MAP3K20: variants seen among roughly 807,000 people sequenced by gnomAD.
MAP3K20 encodes the protein HCCS-4.
In MAP3K20, 40 loss-of-function variants were observed where a neutral mutation model predicts 85.7. That is an observed-to-expected ratio of 0.47 (90% CI 0.36 to 0.61). The LOEUF (loss-of-function observed/expected upper bound fraction) is 0.61, where lower values mean the gene tolerates loss of function less well. MAP3K20 is among the 20% of genes least tolerant of loss of function. The pLI is 0.00. For synonymous variants in MAP3K20, 325 were observed against 327.7 expected (o/e 0.99, Z 0.09); for missense variants, 817 against 961.7 (o/e 0.85, Z 1.99).
At chr2:173,221,262 A>C in intron 11 of MAP3K20, 1 of 1,614,010 alleles carries the variant, frequency 6.2e-7, no homozygotes, top group Non-Finnish European at 8.5e-7. Flanking sequence ...AGTAACGGGG[A>C]GGGCCATGGC....
chr2:173,265,766 T>C (rs1186431481), intron 19 of MAP3K20, among the ~76,000 whole-genome samples: 2 of 152,234 alleles, frequency 1.3e-5, no homozygotes, highest in Non-Finnish European at 2.9e-5. Context: ...AATAAAACTA[T>C]TAGTGTTTAC....
intron 1 of MAP3K20, among the ~76,000 whole-genome samples, chr2:173,076,789 T>A (rs956158633): frequency 6.6e-6 from 1 of 152,188 alleles, no homozygotes; most frequent in Admixed American, 6.5e-5. Flanking sequence ...AGGCAGCGGC[T>A]TTTTGTGGGC....
intron 2 of MAP3K20, among the ~76,000 whole-genome samples, chr2:173,126,695 A>G (rs371910572): frequency 6.6e-6 from 1 of 152,208 alleles, no homozygotes; most frequent in Non-Finnish European, 1.5e-5. Context: ...ATGTTTCTTT[A>G]CAAAGAGAAT....
chr2:173,190,773 T>C (rs2106274489), intron 5 of MAP3K20, 122 bp from the exon 6 acceptor site: 1 of 964,304 alleles, frequency 1.0e-6, no homozygotes, highest in East Asian at 2.5e-5. Context: ...TGTAAATACA[T>C]TGATTTCACC....
intron 10 of MAP3K20, chr2:173,214,264 C>T (rs1684003236): frequency 6.6e-6 from 1 of 152,192 alleles, no homozygotes; most frequent in African/African-American, 2.4e-5. Context: ...GCTTATTTCT[C>T]CTCCCATTGA....
At chr2:173,083,979 GA>G (rs1687077934) in intron 1 of MAP3K20, among the ~76,000 whole-genome samples, 1 of 152,186 alleles carries the variant, frequency 6.6e-6, no homozygotes, top group Admixed American at 6.5e-5. Context: ...AGGAAAAGAG[GA>G]AGGCTCTAAA....
intron 2 of MAP3K20, among the ~76,000 whole-genome samples, chr2:173,137,072 A>C (rs551444415): frequency 1.6e-4 from 25 of 152,334 alleles, no homozygotes; most frequent in Non-Finnish European, 3.5e-4. Flanking sequence ...TTCTCTCCTG[A>C]CCTAAAAAGG....
At chr2:173,172,120 G>T (rs1690015674) in intron 3 of MAP3K20, among the ~76,000 whole-genome samples, 1 of 152,300 alleles carries the variant, frequency 6.6e-6, no homozygotes, top group East Asian at 1.9e-4. Context: ...ACATGGATTA[G>T]TGATGACGAC....
At chr2:173,251,787 A>G (rs1380754819) in intron 16 of MAP3K20, among the ~76,000 whole-genome samples, 1 of 152,252 alleles carries the variant, frequency 6.6e-6, no homozygotes, top group Non-Finnish European at 1.5e-5. Context: ...TTATATGCAA[A>G]TTATACCTCA....
rs1684343444 is a variant in MAP3K20 at position 173,224,971 on chromosome 2, C to A, written c.988-4718C>A. The A allele has an allele frequency of 6.8e-6, 6 of 877,070 alleles. No individual in the cohort carries two copies. In the South Asian group the frequency reaches 2.2e-4, roughly 33 times the overall value. The allele number at this position is 877,070 out of a possible 1,614,324, so 54.3% of individuals were successfully genotyped here. On this transcript the variant is annotated intron_variant, in intron 11 of 19. Transcript: ENST00000375213. ...CAACTACTTGATTTACAAAAATGTA[C>A]ATTTAGAGGTTAAAAGAAACAGTGA... is the stretch of plus-strand genomic sequence containing the variant.
intron 11 of MAP3K20, chr2:173,226,349 A>G (rs1684387773): frequency 1.0e-6 from 1 of 985,052 alleles, no homozygotes. Context: ...AAATTATTGT[A>G]CTAGACTTAT....
rs184793597 is a variant in MAP3K20 at position 173,105,782 on chromosome 2, A to G, written c.159+14592A>G. ...AGAGAGAGTGGGGAATTATTGTTTG[A>G]TAGGTATAGAATTTTTGTTTGGGAT... On this transcript the variant is annotated intron_variant, in intron 2 of 19. Transcript: ENST00000375213. 1.3e-4 allele frequency among the ~76,000 whole-genome samples: 20 copies of G among 152,292 alleles called. No individual in the cohort carries two copies. In the East Asian group the frequency reaches 3.3e-3, roughly 25 times the overall value.
At chr2:173,114,681 A>G (rs1335124234) in intron 2 of MAP3K20, among the ~76,000 whole-genome samples, 2 of 152,236 alleles carry the variant, frequency 1.3e-5, no homozygotes, top group African/African-American at 2.4e-5. Flanking sequence ...CACTCGATAC[A>G]AAATTCTTGG....
intron 3 of MAP3K20, among the ~76,000 whole-genome samples, chr2:173,178,340 C>T (rs1690226368): frequency 6.6e-6 from 1 of 152,048 alleles, no homozygotes. Context: ...CTGAATAGAC[C>T]TATAATTTAA....
At position 173,235,212 on chromosome 2, in the gene MAP3K20, A is replaced by G. The variant is rs557850574; in HGVS notation, c.1203+2753A>G. On this transcript the variant is annotated intron_variant, in intron 14 of 19. Coordinates refer to ENST00000375213, the MANE Select transcript of MAP3K20 (RefSeq NM_016653.3). Reference sequence around the variant, plus strand: ...CACAGCAGAGAAGGGGCTGTCTGCCAAGAGGCAGGGGCTTGAGGGAAGTTT... The same window carrying G: ...CACAGCAGAGAAGGGGCTGTCTGCCGAGAGGCAGGGGCTTGAGGGAAGTTT... Among the ~76,000 whole-genome samples, 4 of 152,366 alleles carry G rather than the reference A, an allele frequency of 2.6e-5. No homozygotes were observed. In the South Asian group the frequency reaches 6.2e-4, roughly 24 times the overall value.
chr2:173,199,866 C>T (rs756042894), intron 8 of MAP3K20, among the ~76,000 whole-genome samples: 4 of 152,000 alleles, frequency 2.6e-5, no homozygotes, highest in Non-Finnish European at 2.9e-5. Context: ...TAGAAGCTGC[C>T]TGGATAGTTG....
At chr2:173,187,784 C>T (rs1690533018) in intron 5 of MAP3K20, among the ~76,000 whole-genome samples, 161 bp downstream of exon 5, 1 of 152,132 alleles carries the variant, frequency 6.6e-6, no homozygotes, top group Non-Finnish European at 1.5e-5. Flanking sequence ...ACAAAAATCT[C>T]AATATTATTT....
In MAP3K20 at chr2:173,187,543, T is replaced by C. The variant is rs1442509882; in HGVS notation, c.350-15T>C. On this transcript the variant is annotated splice_polypyrimidine_tract_variant and intron_variant, in intron 4 of 19. Transcript: ENST00000375213. ...AAAAATATTAATAGGCCTTTATTTC[T>C]TCTTGTGTGAAAAGGAATGCATTAT... is the stretch of plus-strand genomic sequence containing the variant. 6.3e-7 allele frequency: 1 copy of C among 1,591,734 alleles called. No homozygotes were observed. The highest frequency in any genetic ancestry group is 1.9e-5 in the Admixed American group (1 of 53,940).
chr2:173,220,231 T>C (rs1042850924), intron 11 of MAP3K20, among the ~76,000 whole-genome samples: 3 of 152,220 alleles, frequency 2.0e-5, no homozygotes, highest in Admixed American at 2.0e-4. Context: ...CAGTAACATT[T>C]TTCATGTGCT....
Sources: gnomAD v4.1 joint callset for allele counts (sites outside exome capture counted in the v4.1 genomes callset) on GRCh38, gnomAD v4.1.1 for gene constraint, MANE v1.5 for transcripts, NCBI Gene and HGNC (gene_info 2026-07-23, HGNC 2026-07-21) for gene names.